Variants in CNOT10 observed in about 807,000 individuals in gnomAD.
CNOT10 encodes CCR4-NOT transcription complex, subunit 10.
CNOT10 carries 30 observed loss-of-function variants against 94.6 expected under a neutral mutation model. The observed-to-expected ratio is 0.32, with a 90% CI of 0.24 to 0.43. The LOEUF (loss-of-function observed/expected upper bound fraction) is 0.43. Ranked by LOEUF, CNOT10 falls within the 20% of genes least tolerant of loss-of-function variation. The probability of loss-of-function intolerance (pLI) is 1.00; values close to 1 mark genes in which losing one functional copy is unlikely to be tolerated. For synonymous variants in CNOT10, 289 were observed against 301.6 expected, an observed-to-expected ratio of 0.96 and a Z score of 0.43; for missense variants, 759 against 877.2, an observed-to-expected ratio of 0.87 and a Z score of 1.70.
At chr3:32,759,593 T>C (rs1166957381) in intron 14 of CNOT10, 22 bp downstream of exon 14, 10 of 1,542,128 alleles carry the variant, frequency 6.5e-6, no homozygotes, top group Non-Finnish European at 9.0e-6. Context: ...TTGCCCTGTG[T>C]GTCCCTGGTT....
chr3:32,699,546 T>TG (rs1697235248), intron 1 of CNOT10, among the ~76,000 whole-genome samples: 1 of 152,216 alleles, frequency 6.6e-6, no homozygotes, highest in South Asian at 2.1e-4. Flanking sequence ...TGTGAAGGAC[T>TG]GTGGCAGGGT....
At chr3:32,694,670 A>G (rs1301046277) in intron 1 of CNOT10, among the ~76,000 whole-genome samples, 1 of 151,870 alleles carries the variant, frequency 6.6e-6, no homozygotes, top group Non-Finnish European at 1.5e-5. Context: ...GGTCACTGCA[A>G]TCTCTGCTTC....
intron 1 of CNOT10, among the ~76,000 whole-genome samples, chr3:32,694,361 T>C (rs554140557): frequency 6.6e-6 from 1 of 152,272 alleles, no homozygotes; most frequent in Non-Finnish European, 1.5e-5. Flanking sequence ...GTAGAATAAG[T>C]TGTCTAAGTT....
At chr3:32,720,529 A>G (rs1002461344) in intron 8 of CNOT10, among the ~76,000 whole-genome samples, 3 of 151,082 alleles carry the variant, frequency 2.0e-5, no homozygotes, top group African/African-American at 4.9e-5. Flanking sequence ...TTTTTTGGAA[A>G]TAGGGTCTTG....
intron 10 of CNOT10, among the ~76,000 whole-genome samples, chr3:32,729,052 C>T (rs933398103): frequency 4.0e-5 from 6 of 151,574 alleles, no homozygotes; most frequent in Non-Finnish European, 7.4e-5. Flanking sequence ...GCCAAGATCG[C>T]GCCACTGCAC....
intron 1 of CNOT10, among the ~76,000 whole-genome samples, chr3:32,691,382 C>CG (rs1440142524): frequency 6.6e-6 from 1 of 151,976 alleles, no homozygotes; most frequent in Non-Finnish European, 1.5e-5. Context: ...AGGATGGTCT[C>CG]GATCTTCTGA....
chr3:32,729,982 A>G (rs1366484292), intron 10 of CNOT10, among the ~76,000 whole-genome samples: 1 of 151,102 alleles, frequency 6.6e-6, no homozygotes, highest in Non-Finnish European at 1.5e-5. Flanking sequence ...TTTAGCCGGG[A>G]TGGTCTCGAT....
At chr3:32,758,214 A>G (rs7650578) in intron 13 of CNOT10, among the ~76,000 whole-genome samples, 7,592 of 152,256 alleles carry the variant, frequency 0.05, 426 homozygotes, top group African/African-American at 0.13. Context: ...TCAGTTAAAC[A>G]AGGAACCACA....
In CNOT10 at chr3:32,685,491, C is replaced by T. The variant is rs1012569676; in HGVS notation, c.22+9C>T. 3 of 1,550,268 alleles carry T rather than the reference C, an allele frequency of 1.9e-6. No individual in the cohort carries two copies. The highest frequency in any genetic ancestry group is 2.6e-6 in the Non-Finnish European group (3 of 1,146,656). ...TGCAGACAAGCCTGCAGGTAGGGCG[C>T]CAATGTCCCGAGCGACGAGACGGCG... On this transcript the variant is annotated intron_variant, in intron 1 of 18. Transcript: ENST00000328834.
chr3:32,685,534 C>T (rs1359281719), intron 1 of CNOT10, 52 bp downstream of exon 1: 2 of 1,545,956 alleles, frequency 1.3e-6, no homozygotes, highest in East Asian at 2.5e-5. Flanking sequence ...CGGGGCCGGG[C>T]GGACCCTGAA....
intron 1 of CNOT10, chr3:32,695,848 A>C: frequency 6.6e-7 from 1 of 1,519,550 alleles, no homozygotes; most frequent in South Asian, 1.2e-5. Context: ...AGTAGTTATA[A>C]ATAATAAATG....
intron 8 of CNOT10, among the ~76,000 whole-genome samples, chr3:32,724,175 G>A (rs1353609810): frequency 6.6e-6 from 1 of 151,638 alleles, no homozygotes; most frequent in South Asian, 2.1e-4. Flanking sequence ...AGCTGCAGTG[G>A]TATTTAAAGA....
chr3:32,741,792 A>G (rs1699480975), intron 13 of CNOT10, among the ~76,000 whole-genome samples: 1 of 151,220 alleles, frequency 6.6e-6, no homozygotes, highest in African/African-American at 2.4e-5. Context: ...AACAGAAGAA[A>G]AGAAACTGCC....
At chr3:32,722,219 G>T (rs1199159955) in intron 8 of CNOT10, among the ~76,000 whole-genome samples, 2 of 152,124 alleles carry the variant, frequency 1.3e-5, no homozygotes, top group Admixed American at 1.3e-4. Flanking sequence ...TACACGCACA[G>T]AATACACATG....
At chr3:32,729,416 G>A (rs934943016) in intron 10 of CNOT10, among the ~76,000 whole-genome samples, 1 of 152,132 alleles carries the variant, frequency 6.6e-6, no homozygotes, top group African/African-American at 2.4e-5. Context: ...CCCATGCCCT[G>A]CCCTTGCTGT....
chr3:32,770,951 G>A (rs1262584221), intron 18 of CNOT10, among the ~76,000 whole-genome samples: 1 of 152,066 alleles, frequency 6.6e-6, no homozygotes, highest in African/African-American at 2.4e-5. Flanking sequence ...GACCTCAGGT[G>A]ATCTGCCTGC....
At chr3:32,694,810 C>G (rs1246782739) in intron 1 of CNOT10, among the ~76,000 whole-genome samples, 2 of 152,126 alleles carry the variant, frequency 1.3e-5, no homozygotes, top group African/African-American at 2.4e-5. Flanking sequence ...GGAATGCTCT[C>G]AAACTCCCCA....
At chr3:32,752,907 A>AGGATGGC in intron 13 of CNOT10, 1 of 391,424 alleles carries the variant, frequency 2.6e-6, no homozygotes, top group Non-Finnish European at 5.0e-6. Flanking sequence ...AGTGACTACG[A>AGGATGGC]GGATGGCGGA....
chr3:32,736,666 T>G (rs1438638797), intron 12 of CNOT10, among the ~76,000 whole-genome samples: 1 of 152,086 alleles, frequency 6.6e-6, no homozygotes, highest in East Asian at 1.9e-4. Context: ...TACCAGCTAC[T>G]TGGGAGGCTG....
Sources: allele counts gnomAD v4.1 joint callset (sites outside exome capture counted in the v4.1 genomes callset), GRCh38; gene constraint gnomAD v4.1.1; transcripts MANE v1.5; gene names NCBI Gene and HGNC (gene_info 2026-07-23, HGNC 2026-07-21).